CSGALNACT1: variants seen among roughly 807,000 people sequenced by gnomAD.
CSGALNACT1 encodes beta4GalNAcT-1.
In CSGALNACT1, 52 loss-of-function variants were observed where a neutral mutation model predicts 51.0. The observed-to-expected ratio is 1.02, with a 90% confidence interval of 0.82 to 1.29. The LOEUF (loss-of-function observed/expected upper bound fraction) is 1.29. Ranked by LOEUF, CSGALNACT1 falls within the 50% of genes most tolerant of loss-of-function variation. CSGALNACT1 has a pLI of 0.00. For missense variants in CSGALNACT1, 935 were observed against 679.2 expected, an observed-to-expected ratio of 1.38 and a Z score of -4.19; for synonymous variants, 341 against 254.4, an observed-to-expected ratio of 1.34 and a Z score of -3.24.
chr8:19,461,837 T>C (rs2065584603), intron 4 of CSGALNACT1, among the ~76,000 whole-genome samples: 1 of 148,058 alleles, frequency 6.8e-6, no homozygotes, highest in African/African-American at 2.6e-5. Flanking sequence ...ATGGAGGGTG[T>C]ATCTGCACAG....
intron 3 of CSGALNACT1, among the ~76,000 whole-genome samples, chr8:19,570,531 G>C (rs2042796851): frequency 6.6e-6 from 1 of 152,086 alleles, no homozygotes; most frequent in Non-Finnish European, 1.5e-5. Flanking sequence ...GAAAGGAGTG[G>C]TACCTCTGAC....
chr8:19,505,820 G>A (rs2077230993), exon 4 of CSGALNACT1: 1 of 1,611,888 alleles, frequency 6.2e-7, no homozygotes, highest in East Asian at 2.2e-5. Context: ...GCAGCCCCCG[G>A]CGAACCATCA....
At chr8:19,438,398 T>C (rs931955579) in intron 6 of CSGALNACT1, among the ~76,000 whole-genome samples, 3 of 152,198 alleles carry the variant, frequency 2.0e-5, no homozygotes, top group African/African-American at 7.2e-5. Context: ...TTCATGTTCT[T>C]CGTTTCTAAG....
chr8:19,472,783 T>C (rs879496240), intron 4 of CSGALNACT1, among the ~76,000 whole-genome samples: 6 of 152,224 alleles, frequency 3.9e-5, no homozygotes, highest in Non-Finnish European at 5.9e-5. Flanking sequence ...ATCAGAAAAG[T>C]CTTAAAACTC....
At chr8:19,555,643 A>G (rs1006515807) in intron 3 of CSGALNACT1, among the ~76,000 whole-genome samples, 1 of 152,216 alleles carries the variant, frequency 6.6e-6, no homozygotes, top group Non-Finnish European at 1.5e-5. Flanking sequence ...TGTGGTTACA[A>G]TGCTGTTTAT....
At chr8:19,453,804 C>T (rs1377103156) in intron 5 of CSGALNACT1, among the ~76,000 whole-genome samples, 2 of 151,906 alleles carry the variant, frequency 1.3e-5, no homozygotes, top group Non-Finnish European at 1.5e-5. Flanking sequence ...CCCAGCTACT[C>T]GGGAGGCTGA....
chr8:19,562,322 A>C (rs990902974), intron 3 of CSGALNACT1, among the ~76,000 whole-genome samples: 5 of 152,208 alleles, frequency 3.3e-5, no homozygotes, highest in Admixed American at 6.5e-5. Context: ...GTGCCCTTTT[A>C]CATAGAATAG....
At chr8:19,547,521 C>T (rs1262610623) in intron 3 of CSGALNACT1, among the ~76,000 whole-genome samples, 2 of 152,132 alleles carry the variant, frequency 1.3e-5, no homozygotes, top group Admixed American at 1.3e-4. Flanking sequence ...TTTCCCCCTT[C>T]GCTTGGCTCT....
At chr8:19,518,049 A>G in intron 3 of CSGALNACT1, among the ~76,000 whole-genome samples, 1 of 152,206 alleles carries the variant, frequency 6.6e-6, no homozygotes, top group Non-Finnish European at 1.5e-5. Context: ...GGTCTGAGGT[A>G]GCATCACACA....
intron 3 of CSGALNACT1, among the ~76,000 whole-genome samples, chr8:19,540,014 G>T (rs753547097): frequency 6.6e-6 from 1 of 152,120 alleles, no homozygotes; most frequent in African/African-American, 2.4e-5. Context: ...GTTAGTGGAG[G>T]TTACCCAAAG....
At chr8:19,408,650 C>A (rs372823606) in exon 9 of CSGALNACT1, 20 of 1,613,722 alleles carry the variant, frequency 1.2e-5, no homozygotes, top group East Asian at 2.2e-5. Context: ...GACACGTCAT[C>A]CCAAATCCAA....
chr8:19,501,839 C>T (rs1207989608), intron 4 of CSGALNACT1, among the ~76,000 whole-genome samples: 3 of 152,184 alleles, frequency 2.0e-5, no homozygotes. Flanking sequence ...TTTCTGTGTA[C>T]TTGAGACAAA....
intron 1 of CSGALNACT1, among the ~76,000 whole-genome samples, chr8:19,663,264 G>C (rs1471655775): frequency 6.6e-6 from 1 of 152,086 alleles, no homozygotes; most frequent in Non-Finnish European, 1.5e-5. Context: ...GGTCAGGCTT[G>C]TACTTAATTG....
At chr8:19,552,733 A>G (rs1254322573) in intron 3 of CSGALNACT1, among the ~76,000 whole-genome samples, 11 of 152,232 alleles carry the variant, frequency 7.2e-5, no homozygotes, top group Admixed American at 6.5e-4. Flanking sequence ...TTGCACTGTT[A>G]AAAAGTATTA....
intron 3 of CSGALNACT1, among the ~76,000 whole-genome samples, chr8:19,546,095 G>A (rs2086401445): frequency 6.6e-6 from 1 of 151,728 alleles, no homozygotes; most frequent in Non-Finnish European, 1.5e-5. Context: ...AGTTTTATAA[G>A]GAAACAAGAC....
chr8:19,675,077 G>A (rs1012317867), intron 1 of CSGALNACT1, among the ~76,000 whole-genome samples: 1 of 152,164 alleles, frequency 6.6e-6, no homozygotes, highest in Non-Finnish European at 1.5e-5. Flanking sequence ...ATAAAAGTCT[G>A]GTGAGAGGTC....
intron 3 of CSGALNACT1, among the ~76,000 whole-genome samples, chr8:19,530,546 T>C (rs1587908827): frequency 6.6e-6 from 1 of 152,108 alleles, no homozygotes; most frequent in African/African-American, 2.4e-5. Flanking sequence ...TCTAAAAAAA[T>C]GTAAAACCGA....
chr8:19,405,828 C>T (rs148625452), exon 10 of CSGALNACT1: 1 of 1,614,134 alleles, frequency 6.2e-7, no homozygotes, highest in Admixed American at 1.7e-5. Context: ...GAAGGTGAGC[C>T]TCTATCTCGT....
intron 3 of CSGALNACT1, among the ~76,000 whole-genome samples, chr8:19,530,406 A>G (rs888850610): frequency 6.6e-5 from 10 of 152,144 alleles, no homozygotes; most frequent in African/African-American, 2.4e-4. Context: ...TAATTTTATA[A>G]TATCTATAAC....
Sources: gnomAD v4.1 joint callset for allele counts (sites outside exome capture counted in the v4.1 genomes callset) on GRCh38, gnomAD v4.1.1 for gene constraint, MANE v1.5 for transcripts, NCBI Gene and HGNC (gene_info 2026-07-23, HGNC 2026-07-21) for gene names.